The following NRAP variants were observed in gnomAD, a reference collection of about 807,000 sequenced individuals.
NRAP encodes the protein nebulin related anchoring protein.
NRAP carries 189 observed loss-of-function variants against 225.9 expected under a neutral mutation model. The ratio of observed to expected loss-of-function variants is 0.84; its 90% CI spans 0.74 to 0.94. NRAP has a LOEUF of 0.94. Among genes scored for constraint, NRAP ranks in the 40% least tolerant of loss-of-function variants. The probability of loss-of-function intolerance (pLI) is 0.00; values close to 1 mark genes in which losing one functional copy is unlikely to be tolerated. For synonymous variants in NRAP, 769 were observed against 790.7 expected, an observed-to-expected ratio of 0.97 and a Z score of 0.46; for missense variants, 2,176 against 2,168.7, an observed-to-expected ratio of 1.00 and a Z score of -0.07.
rs752473374 is a variant in NRAP at position 113,604,705 on chromosome 10, G to A, written c.4131C>T (p.Ser1377=). The A allele has an allele frequency of 9.9e-6, 16 of 1,614,040 alleles. No individual in the cohort carries two copies. In the East Asian group the frequency reaches 1.1e-4, roughly 11 times the overall value. The part of the protein sequence containing the change: ...VHAKNAQALA[S]DHDYRTQYHK... The stretch of plus-strand genomic sequence containing the variant: ...GATACTGTGTCCTGTAGTCGTGGTC[G>A]CTGGCCAGAGCCTGGGCATTCTTGG... The change falls in exon 35 of 42, where the codon AGC becomes AGT. Residue 1377 remains serine (S), a synonymous_variant. Transcript: ENST00000359988.
At position 113,629,651 on chromosome 10, in the gene NRAP, G is replaced by A; in HGVS notation, c.1977C>T (p.Tyr659=). ...TCTTCATATCTTCAGGCAGCACAGT[G>A]TATTCATGCAGTTTCTTCCTGTAGT... ...DLDYRKKLHE[Y]TVLPEDMKTQ... The change falls in exon 19 of 42, where the codon TAC becomes TAT. Residue 659 remains tyrosine (Y), a synonymous_variant. Transcript: ENST00000359988. 1 of 1,614,040 alleles carries A rather than the reference G, an allele frequency of 6.2e-7. No homozygotes were observed. The highest frequency in any genetic ancestry group is 8.5e-7 in the Non-Finnish European group (1 of 1,179,902).
intron 39 of NRAP, 84 bp from the exon 40 acceptor site, chr10:113,590,973 T>G (rs1845947528): frequency 2.4e-6 from 3 of 1,236,982 alleles, no homozygotes; most frequent in Non-Finnish European, 3.5e-6. Context: ...CCCAGGGCAT[T>G]CTCAGCAGGA....
chr10:113,641,786 A>G (rs1005222829), intron 12 of NRAP, among the ~76,000 whole-genome samples: 9 of 152,186 alleles, frequency 5.9e-5, no homozygotes, highest in Non-Finnish European at 4.4e-5. Flanking sequence ...GATTTTTCCA[A>G]TGTGAAAATT....
intron 30 of NRAP, among the ~76,000 whole-genome samples, 153 bp from the exon 31 acceptor site, chr10:113,610,716 C>T (rs949569709): frequency 7.9e-5 from 12 of 152,198 alleles, no homozygotes; most frequent in African/African-American, 2.9e-4. Flanking sequence ...TAAACTCAGC[C>T]AACGCACAAA....
In NRAP at chr10:113,629,731, C is replaced by A. The variant is rs541209787; in HGVS notation, c.1897G>T (p.Asp633Tyr). The A allele has an allele frequency of 5.0e-6, 8 of 1,614,056 alleles. No individual in the cohort carries two copies. The African/African-American group carries it at 5.3e-5, about 11-fold the overall frequency. Residue 633 changes from aspartate (D) to tyrosine (Y), a missense_variant, in exon 19 of 42, where the codon GAT becomes TAT. Asp to Tyr is a radical substitution (Grantham distance 160). This residue lies in a region of NRAP where 1,708 missense variants were observed against 1,695.5 expected (regional missense o/e 1.01). Coordinates refer to ENST00000359988, the MANE Select transcript of NRAP (RefSeq NM_198060.4). ...TTAGCATGCCTGATGTTTACCATAT[C>A]CATGGGCAGGTGAAACCGGGTCTTA... is the stretch of plus-strand genomic sequence containing the variant. ...ESKTRFHLPM[D>Y]MVNIRHAKKA...
chr10:113,624,160 C>A (rs1203538016), intron 22 of NRAP, among the ~76,000 whole-genome samples: 1 of 152,166 alleles, frequency 6.6e-6, no homozygotes, highest in African/African-American at 2.4e-5. Context: ...GCATGTGAAT[C>A]AATTTAACCT....
At chr10:113,612,196 G>A (rs772589087) in intron 30 of NRAP, 38 bp downstream of exon 30, 1 of 1,574,770 alleles carries the variant, frequency 6.4e-7, no homozygotes, top group Non-Finnish European at 8.7e-7. Flanking sequence ...GGTCCTAAGA[G>A]AAGAAGGGGC....
chr10:113,602,132 C>T (rs1156868519), intron 35 of NRAP, among the ~76,000 whole-genome samples: 1 of 152,224 alleles, frequency 6.6e-6, no homozygotes, highest in Non-Finnish European at 1.5e-5. Flanking sequence ...TTTACCCTGG[C>T]CTCCCAAAGT....
At chr10:113,620,915 G>A (rs1335670885) in intron 24 of NRAP, among the ~76,000 whole-genome samples, 1 of 152,214 alleles carries the variant, frequency 6.6e-6, no homozygotes, top group Non-Finnish European at 1.5e-5. Context: ...CCTTGGGACA[G>A]TGGCTTTAGG....
In NRAP at chr10:113,631,531, T is replaced by C; in HGVS notation, c.1820A>G (p.Gln607Arg). The C allele has an allele frequency of 1.2e-6, 2 of 1,610,098 alleles. No individual in the cohort carries two copies. Among genetic ancestry groups the C allele is most frequent in the East Asian group, 2.2e-5 (1 of 44,850 alleles). ...TACCTCACTGCTCATCTTAGCAATC[T>C]GCAGGGAGTGCAGAAGCCTAGAGTC... ...TADSRLLHSL[Q>R]IAKMSSEVEY... Residue 607 changes from glutamine (Q) to arginine (R), a missense_variant, in exon 18 of 42, where the codon CAG becomes CGG. This residue lies in a region of NRAP where 1,708 missense variants were observed against 1,695.5 expected (regional missense o/e 1.01). Coordinates refer to ENST00000359988, the MANE Select transcript of NRAP (RefSeq NM_198060.4).
rs774500530 is a variant in NRAP at position 113,631,526 on chromosome 10, C to A, written c.1825G>T (p.Ala609Ser). ...GAGTTTACCTCACTGCTCATCTTAG[C>A]AATCTGCAGGGAGTGCAGAAGCCTA... Reference protein sequence around the residue: ...DSRLLHSLQIAKMSSEVEYKK... With the variant: ...DSRLLHSLQISKMSSEVEYKK... Residue 609 changes from alanine (A) to serine (S), a missense_variant, in exon 18 of 42, where the codon GCT becomes TCT. Ala to Ser is a moderately conservative substitution (Grantham distance 99). Coordinates refer to ENST00000359988, the MANE Select transcript of NRAP (RefSeq NM_198060.4). 2.5e-6 allele frequency: 4 copies of A among 1,605,262 alleles called. No individual in the cohort carries two copies. In the South Asian group the frequency reaches 4.4e-5, roughly 18 times the overall value.
chr10:113,592,006 A>G (rs1041647324), intron 39 of NRAP, among the ~76,000 whole-genome samples, 188 bp downstream of exon 39: 1 of 152,046 alleles, frequency 6.6e-6, no homozygotes, highest in African/African-American at 2.4e-5. Context: ...CTTGACCACA[A>G]TTTCTGCCTA....
chr10:113,595,582 CAA>C, intron 38 of NRAP, 39 bp downstream of exon 38: 1 of 1,297,048 alleles, frequency 7.7e-7, no homozygotes, highest in Non-Finnish European at 1.1e-6. Flanking sequence ...GATCATTTTA[CAA>C]AAGTGGGCAC....
At chr10:113,608,050 C>T (rs1402417781) in intron 32 of NRAP, among the ~76,000 whole-genome samples, 1 of 152,204 alleles carries the variant, frequency 6.6e-6, no homozygotes, top group South Asian at 2.1e-4. Flanking sequence ...CTAGATAGAA[C>T]AAATGAATTA....
intron 37 of NRAP, among the ~76,000 whole-genome samples, chr10:113,596,034 T>C (rs1846272254): frequency 6.6e-6 from 1 of 152,228 alleles, no homozygotes; most frequent in African/African-American, 2.4e-5. Flanking sequence ...CAGTAGAAGA[T>C]GTGTAGATAT....
At chr10:113,658,384 A>T (rs1421481466) in intron 3 of NRAP, among the ~76,000 whole-genome samples, 1 of 152,192 alleles carries the variant, frequency 6.6e-6, no homozygotes, top group East Asian at 1.9e-4. Context: ...TCCACAAAAA[A>T]ACACCAGGAT....
Position 113,645,844 on chromosome 10 carries a change from AC to A in NRAP, c.1090del (p.Val364Ter), listed in dbSNP as rs1427877352. On this transcript the variant is annotated frameshift_variant, in exon 11 of 42. Coordinates refer to ENST00000359988, the MANE Select transcript of NRAP (RefSeq NM_198060.4). LOFTEE classifies it high-confidence loss of function. ...ACGCACCTCACTCACGAGTTTGTTT[AC>A]GCTCTGAGCCTGTTTGAGAACCAAG... ...DNLVLKQAQS[V>X]NKLVSEVEYK... The A allele has an allele frequency of 1.3e-6, 2 of 1,598,350 alleles. No homozygotes were observed. The highest frequency in any genetic ancestry group is 2.7e-5 in the African/African-American group (2 of 74,656).
chr10:113,594,813 C>T (rs1140), intron 38 of NRAP, among the ~76,000 whole-genome samples: 20,997 of 152,274 alleles, frequency 0.14, 2,010 homozygotes, highest in Middle Eastern at 0.22. Flanking sequence ...CTGGGGTGAA[C>T]GGTAGCAGCT....
chr10:113,650,142 C>A lies in NRAP; in HGVS notation c.784-1G>T. ...TTTGATATTGTTGATGGTACCTCAC[C>A]TGTTTTAAGGCAAAGGACAAACTCG... On this transcript the variant is annotated splice_acceptor_variant, in intron 8 of 41. Coordinates refer to ENST00000359988, the MANE Select transcript of NRAP (RefSeq NM_198060.4). LOFTEE classifies it high-confidence loss of function. 1 of 1,596,398 alleles carries A rather than the reference C, an allele frequency of 6.3e-7. No individual in the cohort carries two copies. Among genetic ancestry groups the A allele is most frequent in the Non-Finnish European group, 8.6e-7 (1 of 1,164,426 alleles).
Sources: gnomAD v4.1 joint callset for allele counts (sites outside exome capture counted in the v4.1 genomes callset) on GRCh38, gnomAD v4.1.1 for gene constraint, gnomAD v4.1.1 regional missense constraint, MANE v1.5 for transcripts, NCBI Gene and HGNC (gene_info 2026-07-23, HGNC 2026-07-21) for gene names.